ADAMTS2: variants seen among roughly 807,000 people sequenced by gnomAD.
The protein encoded by ADAMTS2 is ADAM metallopeptidase with thrombospondin type 1 motif 2.
In ADAMTS2, 50 loss-of-function variants were observed where a neutral mutation model predicts 123.0. That is an observed-to-expected ratio of 0.41 (90% CI 0.32 to 0.51). The LOEUF (loss-of-function observed/expected upper bound fraction) is 0.51, where lower values mean the gene tolerates loss of function less well. Ranked by LOEUF, ADAMTS2 falls within the 20% of genes least tolerant of loss-of-function variation. The pLI is 0.35. For synonymous variants in ADAMTS2, 678 were observed against 695.4 expected (o/e 0.98, Z 0.39); for missense variants, 1,494 against 1,705.2 (o/e 0.88, Z 2.18).
At chr5:179,198,928 C>A (rs1314475260) in intron 4 of ADAMTS2, among the ~76,000 whole-genome samples, 1 of 151,992 alleles carries the variant, frequency 6.6e-6, no homozygotes, top group Non-Finnish European at 1.5e-5. Flanking sequence ...ACACCCAGTG[C>A]CCTCTTAGCA....
chr5:179,321,253 C>A (rs530779891), intron 2 of ADAMTS2, among the ~76,000 whole-genome samples: 1 of 149,528 alleles, frequency 6.7e-6, no homozygotes, highest in South Asian at 2.1e-4. Flanking sequence ...GCCACACACA[C>A]ATCTACACAA....
chr5:179,223,224 GCA>G (rs1765167797), intron 3 of ADAMTS2, among the ~76,000 whole-genome samples: 1 of 151,976 alleles, frequency 6.6e-6, no homozygotes, highest in African/African-American at 2.4e-5. Context: ...TCAGACACAT[GCA>G]CACACACACA....
In ADAMTS2 at chr5:179,205,260, C is replaced by T. The variant is rs1203563021; in HGVS notation, c.891+2253G>A. ...CACCACGGGCCCCACATTTGGTCAG[C>T]GCCCTTGGTGGGCTATCAGAAGTGA... On this transcript the variant is annotated intron_variant, in intron 4 of 21. Transcript: ENST00000251582. 2.6e-5 allele frequency among the ~76,000 whole-genome samples: 4 copies of T among 152,190 alleles called. 1 individual carries two copies. Among genetic ancestry groups the T allele is most frequent in the South Asian group, 2.1e-4 (1 of 4,836 alleles).
At chr5:179,291,131 C>T (rs1756176339) in intron 2 of ADAMTS2, among the ~76,000 whole-genome samples, 1 of 152,228 alleles carries the variant, frequency 6.6e-6, no homozygotes, top group African/African-American at 2.4e-5. Context: ...ACTGAGCCAC[C>T]AGCATGATGC....
chr5:179,150,250 C>T (rs1178492905), intron 10 of ADAMTS2, among the ~76,000 whole-genome samples: 1 of 152,286 alleles, frequency 6.6e-6, no homozygotes, highest in Non-Finnish European at 1.5e-5. Context: ...GCCTTGTTCT[C>T]CAACTCAGCT....
Position 179,234,059 on chromosome 5 carries a change from C to G in ADAMTS2, c.689-26344G>C, listed in dbSNP as rs917192532. Among the ~76,000 whole-genome samples, 13 of 152,198 alleles carry G rather than the reference C, an allele frequency of 8.5e-5. No individual in the cohort carries two copies. Among genetic ancestry groups the G allele is most frequent in the African/African-American group, 3.1e-4 (13 of 41,454 alleles). ...CCAGGACCCCGACTGCCAGGCCCTT[C>G]CACAGCCCGACTCCCCGTGGACTCT... On this transcript the variant is annotated intron_variant, in intron 3 of 21. Coordinates refer to ENST00000251582, the MANE Select transcript of ADAMTS2 (RefSeq NM_014244.5). This position sits in a 1 kb window ranked among gnomAD's most constrained non-coding sequence, Gnocchi z 4.7.
intron 4 of ADAMTS2, among the ~76,000 whole-genome samples, chr5:179,182,745 A>G (rs760659919): frequency 1.3e-5 from 2 of 152,112 alleles, no homozygotes; most frequent in Non-Finnish European, 2.9e-5. Flanking sequence ...TCTCTTTCCT[A>G]TAGGCAAGGG....
chr5:179,273,069 G>C lies in ADAMTS2; in HGVS notation c.535-5C>G. The C allele has an allele frequency of 6.2e-7, 1 of 1,613,532 alleles. No individual in the cohort carries two copies. The highest frequency in any genetic ancestry group is 8.5e-7 in the Non-Finnish European group (1 of 1,180,018). ...CTCCATCCGGATCAGACCAGCCTGC[G>C]GGACAAAGACAACAGGATCAGATTT... On this transcript the variant is annotated splice_polypyrimidine_tract_variant and splice_region_variant and intron_variant, in intron 2 of 21. Coordinates refer to ENST00000251582, the MANE Select transcript of ADAMTS2 (RefSeq NM_014244.5).
intron 5 of ADAMTS2, among the ~76,000 whole-genome samples, chr5:179,174,189 T>C (rs1177596468): frequency 1.3e-5 from 2 of 152,198 alleles, no homozygotes; most frequent in Admixed American, 6.5e-5. Flanking sequence ...TATTATTTAT[T>C]TCTTTAACAG....
intron 2 of ADAMTS2, among the ~76,000 whole-genome samples, chr5:179,318,970 G>A (rs759188556): frequency 2.6e-5 from 4 of 152,192 alleles, no homozygotes; most frequent in Non-Finnish European, 5.9e-5. Flanking sequence ...ACAGCTGCAC[G>A]CTATTTCTCT....
At chr5:179,126,806 C>A (rs1226818944) in intron 17 of ADAMTS2, among the ~76,000 whole-genome samples, 1 of 152,114 alleles carries the variant, frequency 6.6e-6, no homozygotes, top group Non-Finnish European at 1.5e-5. Context: ...GGAGGCATCC[C>A]AGGAAGCAGA....
intron 4 of ADAMTS2, among the ~76,000 whole-genome samples, chr5:179,200,648 C>T (rs1012596581): frequency 7.2e-5 from 11 of 152,144 alleles, no homozygotes; most frequent in African/African-American, 2.7e-4. Flanking sequence ...TTGGGAAGTA[C>T]AGCTGCCAAG....
At chr5:179,267,319 G>A (rs1296370854) in intron 3 of ADAMTS2, among the ~76,000 whole-genome samples, 2 of 152,212 alleles carry the variant, frequency 1.3e-5, no homozygotes, top group Non-Finnish European at 2.9e-5. Context: ...CTTGTCCTCT[G>A]TCTCCTGGAG....
chr5:179,209,212 C>T (rs1422757805), intron 3 of ADAMTS2, among the ~76,000 whole-genome samples: 4 of 152,164 alleles, frequency 2.6e-5, no homozygotes, highest in Non-Finnish European at 4.4e-5. Flanking sequence ...TGGCCATTTC[C>T]GTTTTACAGA....
intron 10 of ADAMTS2, among the ~76,000 whole-genome samples, chr5:179,142,845 G>A (rs1482120021): frequency 6.6e-6 from 1 of 152,086 alleles, no homozygotes; most frequent in African/African-American, 2.4e-5. Context: ...AAGGCCCAGG[G>A]GATCATTATC....
chr5:179,165,047 G>C (rs578133794), intron 5 of ADAMTS2, among the ~76,000 whole-genome samples: 1 of 152,228 alleles, frequency 6.6e-6, no homozygotes, highest in South Asian at 2.1e-4. Flanking sequence ...GGAGGCAGTC[G>C]GAACCCAAGG....
At position 179,207,609 on chromosome 5, in the gene ADAMTS2, G is replaced by A. The variant is rs771139267; in HGVS notation, c.795C>T (p.Asp265=). The A allele has an allele frequency of 1.9e-6, 3 of 1,613,736 alleles. No homozygotes were observed. Among genetic ancestry groups the A allele is most frequent in the Admixed American group, 3.3e-5 (2 of 60,006 alleles). The change falls in exon 4 of 22, where the codon GAC becomes GAT. Residue 265 remains aspartate (D), a synonymous_variant. Coordinates refer to ENST00000251582, the MANE Select transcript of ADAMTS2 (RefSeq NM_014244.5). ...RRARRHAADD[D]YNIEVLLGVD... is the part of the protein sequence containing the mutation. ...CGCCCAGCAGGACCTCGATGTTGTA[G>A]TCATCGTCCGCAGCATGCCTGCGTG...
rs767490706 is a variant in ADAMTS2 at position 179,121,666 on chromosome 5, G to C, written c.3173C>G (p.Ser1058Trp). Residue 1058 changes from serine to tryptophan, a missense_variant, in exon 21 of 22, where the codon TCG becomes TGG. Ser to Trp is a radical substitution (Grantham distance 177). Coordinates refer to ENST00000251582, the MANE Select transcript of ADAMTS2 (RefSeq NM_014244.5). ...GTTATAAACGGGTCGGTTACTTGACGAGATCTTCCGGATGGGCGAGTCGGG... is the reference window on the plus strand; with the variant it reads ...GTTATAAACGGGTCGGTTACTTGACCAGATCTTCCGGATGGGCGAGTCGGG... Reference protein sequence around the residue: ...PDPDSPIRKISSKGHCQGDKS... With the variant: ...PDPDSPIRKIWSKGHCQGDKS... The C allele has an allele frequency of 1.2e-6, 2 of 1,600,982 alleles. No homozygotes were observed. The highest frequency in any genetic ancestry group is 1.7e-6 in the Non-Finnish European group (2 of 1,173,586).
chr5:179,314,252 T>C lies in ADAMTS2; in HGVS notation c.534+29515A>G, dbSNP rs1756914827. On this transcript the variant is annotated intron_variant, in intron 2 of 21. Transcript: ENST00000251582. This position sits in a 1 kb window ranked among gnomAD's most constrained non-coding sequence, Gnocchi z 4.5. ...CCTCCCACCGGGTCGGCCCTGTCCT[T>C]GTCTTGCTCAGCTCGGGGGAAGCAC... Among the ~76,000 whole-genome samples, 1 of 152,112 alleles carries C rather than the reference T, an allele frequency of 6.6e-6. No homozygotes were observed. Among genetic ancestry groups the C allele is most frequent in the African/African-American group, 2.4e-5 (1 of 41,426 alleles).
Sources: gnomAD v4.1 joint callset for allele counts (sites outside exome capture counted in the v4.1 genomes callset) on GRCh38, gnomAD v4.1.1 for gene constraint, Gnocchi (gnomAD v3.1) non-coding constraint, MANE v1.5 for transcripts, NCBI Gene and HGNC (gene_info 2026-07-23, HGNC 2026-07-21) for gene names.